Variants in LRMDA observed in about 807,000 individuals in gnomAD.
The protein encoded by LRMDA is leucine rich melanocyte differentiation associated.
In LRMDA, 18 loss-of-function variants were observed where a neutral mutation model predicts 29.8. The ratio of observed to expected loss-of-function variants is 0.60; its 90% CI spans 0.42 to 0.90. The LOEUF (loss-of-function observed/expected upper bound fraction) is 0.90, where lower values mean the gene tolerates loss of function less well. Among genes scored for constraint, LRMDA ranks in the 40% least tolerant of loss-of-function variants. The probability of loss-of-function intolerance (pLI) is 0.00; values close to 1 mark genes in which losing one functional copy is unlikely to be tolerated. For synonymous variants in LRMDA, 125 were observed against 109.4 expected, an observed-to-expected ratio of 1.14 and a Z score of -0.89; for missense variants, 273 against 273.9, an observed-to-expected ratio of 1.00 and a Z score of 0.02.
chr10:76,431,959 G>A (rs1158311232), intron 6 of LRMDA, among the ~76,000 whole-genome samples: 1 of 152,110 alleles, frequency 6.6e-6, no homozygotes, highest in Non-Finnish European at 1.5e-5. Flanking sequence ...TGATTGTGAG[G>A]CCTCCCCAGC....
chr10:76,241,870 T>C (rs1355052172), intron 5 of LRMDA, among the ~76,000 whole-genome samples: 1 of 152,192 alleles, frequency 6.6e-6, no homozygotes, highest in Admixed American at 6.5e-5. Flanking sequence ...TGCTTCCTTA[T>C]CTGTAAAGTG....
At chr10:75,517,204 A>G (rs1845300690) in intron 2 of LRMDA, among the ~76,000 whole-genome samples, 1 of 152,108 alleles carries the variant, frequency 6.6e-6, no homozygotes, top group African/African-American at 2.4e-5. Flanking sequence ...GTTCCATATG[A>G]ACTTTAAAGT....
At chr10:76,205,694 G>A (rs1252083869) in intron 5 of LRMDA, among the ~76,000 whole-genome samples, 1 of 152,096 alleles carries the variant, frequency 6.6e-6, no homozygotes, top group East Asian at 1.9e-4. Flanking sequence ...AAGGGGAGGA[G>A]GTTGAGGAGA....
chr10:75,656,043 G>T (rs1371669692), intron 2 of LRMDA, among the ~76,000 whole-genome samples: 1 of 152,134 alleles, frequency 6.6e-6, no homozygotes, highest in East Asian at 1.9e-4. Context: ...CATTAGCTGT[G>T]AATTTTTTGA....
intron 2 of LRMDA, among the ~76,000 whole-genome samples, chr10:75,973,690 G>A (rs1847021192): frequency 1.3e-5 from 2 of 152,178 alleles, no homozygotes; most frequent in African/African-American, 2.4e-5. Context: ...AAAGTGCTGG[G>A]ATTACAGGTG....
intron 2 of LRMDA, among the ~76,000 whole-genome samples, chr10:75,961,505 C>T (rs1416611416): frequency 6.6e-6 from 1 of 152,172 alleles, no homozygotes; most frequent in African/African-American, 2.4e-5. Context: ...TCTCTGAGAC[C>T]TATTGCCACA....
At chr10:75,917,017 C>T (rs750411788) in intron 2 of LRMDA, among the ~76,000 whole-genome samples, 5 of 152,078 alleles carry the variant, frequency 3.3e-5, no homozygotes, top group Admixed American at 6.5e-5. Context: ...TGCTTCTTTG[C>T]GAGTCTTTCT....
In LRMDA at chr10:76,363,177, G is replaced by GAAAGAAAGAAAGAAA. The variant is rs1314060766; in HGVS notation, c.601+38692_601+38693insAAAGAAAGAAAGAAA. On this transcript the variant is annotated intron_variant, in intron 6 of 6. Transcript: ENST00000611255. ...AGAAAGAAAGAAAGAAAGAAAGAAA[G>GAAAGAAAGAAAGAAA]GAGGGAGGGAGGGAGGGAGGGAGGG... Among the ~76,000 whole-genome samples the GAAAGAAAGAAAGAAA allele has an allele frequency of 4.7e-3, 52 of 11,078 alleles. 3 individuals are homozygous for GAAAGAAAGAAAGAAA. The highest frequency in any genetic ancestry group is 0.011 in the Admixed American group (18 of 1,580). The allele number at this position is 11,078 out of a possible 152,430, so 7.3% of individuals were successfully genotyped here. A position where few individuals can be genotyped will look rare whatever the true frequency, so the allele number is the denominator to read the frequency against.
At chr10:76,360,518 C>G (rs542806500) in intron 6 of LRMDA, among the ~76,000 whole-genome samples, 24 of 152,274 alleles carry the variant, frequency 1.6e-4, no homozygotes, top group African/African-American at 5.5e-4. Context: ...AAGTAACTTA[C>G]CTACATAAAA....
At chr10:75,525,033 G>C (rs1221003883) in intron 2 of LRMDA, among the ~76,000 whole-genome samples, 2 of 152,176 alleles carry the variant, frequency 1.3e-5, no homozygotes, top group African/African-American at 4.8e-5. Flanking sequence ...CAAAGCCCTA[G>C]AGATAATTTA....
intron 2 of LRMDA, among the ~76,000 whole-genome samples, chr10:75,650,243 C>T (rs966226257): frequency 5.3e-5 from 8 of 152,084 alleles, no homozygotes; most frequent in Non-Finnish European, 1.2e-4. Context: ...AAAGTTTTAT[C>T]GTTTTCATTC....
At chr10:76,259,393 T>G (rs140752887) in intron 5 of LRMDA, among the ~76,000 whole-genome samples, 2 of 152,162 alleles carry the variant, frequency 1.3e-5, no homozygotes, top group African/African-American at 4.8e-5. Flanking sequence ...CCTTTTGTTA[T>G]TGACTTCTAG....
At chr10:75,849,935 A>G (rs184966363) in intron 2 of LRMDA, among the ~76,000 whole-genome samples, 3 of 152,362 alleles carry the variant, frequency 2.0e-5, no homozygotes, top group African/African-American at 7.2e-5. Context: ...TGACAATGTG[A>G]AGGTAAACTG....
intron 1 of LRMDA, among the ~76,000 whole-genome samples, chr10:75,433,494 A>T (rs2132018193): frequency 6.6e-6 from 1 of 152,184 alleles, no homozygotes. Flanking sequence ...CCCATTTCCT[A>T]AACTGCCCAG....
intron 2 of LRMDA, among the ~76,000 whole-genome samples, chr10:75,985,888 G>A (rs907129480): frequency 6.6e-6 from 1 of 152,068 alleles, no homozygotes; most frequent in African/African-American, 2.4e-5. Flanking sequence ...AATGAAGATG[G>A]AGAAACAAGG....
At chr10:76,146,661 A>G (rs1850328643) in intron 5 of LRMDA, among the ~76,000 whole-genome samples, 1 of 152,176 alleles carries the variant, frequency 6.6e-6, no homozygotes, top group African/African-American at 2.4e-5. Flanking sequence ...TGTGTCTTTT[A>G]ATTGGAGCTT....
At chr10:76,080,229 C>T (rs1465509668) in intron 5 of LRMDA, among the ~76,000 whole-genome samples, 2 of 152,154 alleles carry the variant, frequency 1.3e-5, no homozygotes, top group Non-Finnish European at 2.9e-5. Context: ...TCAGAATTCC[C>T]AGACCCCAGA....
At chr10:76,315,412 C>T (rs1840680440) in intron 5 of LRMDA, among the ~76,000 whole-genome samples, 1 of 152,196 alleles carries the variant, frequency 6.6e-6, no homozygotes, top group South Asian at 2.1e-4. Flanking sequence ...CCTGCCCCAG[C>T]GGGCTTGGAA....
intron 6 of LRMDA, among the ~76,000 whole-genome samples, chr10:76,552,384 G>A (rs990282678): frequency 1.3e-5 from 2 of 152,206 alleles, no homozygotes; most frequent in Non-Finnish European, 2.9e-5. Context: ...CTTTCCTCAA[G>A]GATTTTGGGG....
Sources: gnomAD v4.1 joint callset for allele counts (sites outside exome capture counted in the v4.1 genomes callset) on GRCh38, gnomAD v4.1.1 for gene constraint, MANE v1.5 for transcripts, NCBI Gene and HGNC (gene_info 2026-07-23, HGNC 2026-07-21) for gene names.